Variants in AMMECR1 observed in about 807,000 individuals in gnomAD.
AMMECR1 encodes nuclear protein AMMECR1.
A neutral mutation model predicts 22.5 loss-of-function variants in AMMECR1; 3 were observed. The ratio of observed to expected loss-of-function variants is 0.13; its 90% CI spans 0.06 to 0.35. AMMECR1 has a LOEUF of 0.35. Among genes scored for constraint, AMMECR1 ranks in the 10% least tolerant of loss-of-function variants. AMMECR1 has a pLI of 1.00. For missense variants in AMMECR1, 235 were observed against 278.7 expected, an observed-to-expected ratio of 0.84 and a Z score of 1.12; for synonymous variants, 130 against 116.7, an observed-to-expected ratio of 1.11 and a Z score of -0.74.
intron 3 of AMMECR1, among the ~76,000 whole-genome samples, chrX:110,209,137 T>G (rs1423734712): frequency 9.0e-6 from 1 of 111,615 alleles, no homozygotes; most frequent in African/African-American, 3.3e-5. Context: ...CTAGCAAACA[T>G]GCCTAATATG....
At chrX:110,282,299 T>C (rs980209789) in intron 1 of AMMECR1, among the ~76,000 whole-genome samples, 1 of 109,781 alleles carries the variant, frequency 9.1e-6, no homozygotes, top group African/African-American at 3.3e-5. Flanking sequence ...TGGATAAAAG[T>C]GCTGGAATAG....
chrX:110,250,336 C>T (rs773852803), intron 2 of AMMECR1, among the ~76,000 whole-genome samples: 5 of 111,718 alleles, frequency 4.5e-5, no homozygotes, highest in Non-Finnish European at 9.4e-5. Context: ...GATCTAGCAC[C>T]AGGTCTATCT....
At chrX:110,340,160 T>C (rs1409867512) in intron 2 of AMMECR1, among the ~76,000 whole-genome samples, 2 of 110,836 alleles carry the variant, frequency 1.8e-5, no homozygotes, top group African/African-American at 6.6e-5. Flanking sequence ...ATGATGGTGG[T>C]GGTGATGATG....
chrX:110,270,079 G>A (rs1167465700), intron 1 of AMMECR1, among the ~76,000 whole-genome samples: 1 of 111,088 alleles, frequency 9.0e-6, no homozygotes, highest in Non-Finnish European at 1.9e-5. Context: ...GGGAGAGCAC[G>A]AGCTCTCCAA....
chrX:110,393,539 C>T (rs1313276428), intron 2 of AMMECR1, among the ~76,000 whole-genome samples: 1 of 111,672 alleles, frequency 9.0e-6, no homozygotes, highest in East Asian at 2.8e-4. Flanking sequence ...CTGTCCCTCA[C>T]TCCTAAGGCC....
chrX:110,424,015 G>A (rs973674231), intron 2 of AMMECR1, among the ~76,000 whole-genome samples: 8 of 112,025 alleles, frequency 7.1e-5, no homozygotes, highest in African/African-American at 2.6e-4. Context: ...TATGAGTGAG[G>A]TGTTGTGCTA....
chrX:110,268,734 A>C (rs993049911), intron 1 of AMMECR1, among the ~76,000 whole-genome samples: 3 of 111,853 alleles, frequency 2.7e-5, no homozygotes, highest in Non-Finnish European at 5.6e-5. Context: ...TCCAAAAAGG[A>C]CCTAATACAT....
intron 2 of AMMECR1, among the ~76,000 whole-genome samples, chrX:110,378,919 C>T (rs1174024036): frequency 3.6e-5 from 4 of 109,929 alleles, no homozygotes; most frequent in African/African-American, 6.6e-5. Flanking sequence ...GCTGGACACC[C>T]GTCCACCCCC....
rs753660200 is a variant in AMMECR1 at position 110,428,379 on chromosome X, G to C, written c.-293-1576C>G. 2.7e-5 allele frequency among the ~76,000 whole-genome samples: 3 copies of C among 112,099 alleles called. No homozygotes were observed. In the Admixed American group the frequency reaches 2.8e-4, roughly 11 times the overall value. On this transcript the variant is annotated intron_variant, in intron 1 of 7. Transcript: ENST00000372057. ...TGTAAGTAACTTGAGGTTAGGGACA[G>C]AGCCTTGTACATTCCTGTATCCCAG...
rs1489120950 is a variant in AMMECR1, at chrX:110,311,672, G to T, written c.473+5927C>A. 2.7e-5 allele frequency among the ~76,000 whole-genome samples: 3 copies of T among 112,044 alleles called. No individual in the cohort carries two copies. In the Admixed American group the frequency reaches 2.8e-4, roughly 11 times the overall value. On this transcript the variant is annotated intron_variant, in intron 1 of 5. Coordinates refer to ENST00000262844, the MANE Select transcript of AMMECR1 (RefSeq NM_015365.3). The stretch of plus-strand genomic sequence containing the variant: ...TATAGTTGGACTGAACATAAAACAT[G>T]CTCCACCCAACCAACTATACTATTA...
At chrX:110,293,230 T>C (rs1489307101) in intron 1 of AMMECR1, among the ~76,000 whole-genome samples, 1 of 111,262 alleles carries the variant, frequency 9.0e-6, no homozygotes, top group African/African-American at 3.3e-5. Flanking sequence ...GCGAAAGGAG[T>C]AGGAGGGAAA....
At chrX:110,299,312 T>C (rs1256461390) in intron 1 of AMMECR1, among the ~76,000 whole-genome samples, 1 of 112,024 alleles carries the variant, frequency 8.9e-6, no homozygotes, top group Non-Finnish European at 1.9e-5. Flanking sequence ...AATTCAGCTT[T>C]GACTCAGATC....
At chrX:110,252,482 T>C (rs1001501588) in intron 2 of AMMECR1, among the ~76,000 whole-genome samples, 4 of 111,344 alleles carry the variant, frequency 3.6e-5, no homozygotes, top group African/African-American at 1.3e-4. Context: ...AATAGTCTAT[T>C]TTTGCGAGTA....
At chrX:110,219,653 A>T (rs2067491074) in intron 2 of AMMECR1, 1 of 705,892 alleles carries the variant, frequency 1.4e-6, no homozygotes, top group South Asian at 7.4e-5. Context: ...AGGAGTTAGT[A>T]GGAAAATGCT....
intron 2 of AMMECR1, among the ~76,000 whole-genome samples, chrX:110,381,248 A>G (rs1336653203): frequency 8.9e-6 from 1 of 112,177 alleles, no homozygotes; most frequent in Non-Finnish European, 1.9e-5. Context: ...AAACAACCCC[A>G]TTGAAAAGAG....
intron 1 of AMMECR1, among the ~76,000 whole-genome samples, chrX:110,279,650 C>T (rs1234232757): frequency 9.0e-6 from 1 of 111,456 alleles, no homozygotes; most frequent in Non-Finnish European, 1.9e-5. Context: ...TCTATTAAAG[C>T]AGTACTTTAA....
chrX:110,409,993 A>C (rs920267538), intron 2 of AMMECR1, among the ~76,000 whole-genome samples: 6 of 112,032 alleles, frequency 5.4e-5, no homozygotes, highest in African/African-American at 1.9e-4. Flanking sequence ...TCAGAGTCTG[A>C]TTCAGTAAGT....
chrX:110,386,269 A>T (rs1471354654), intron 2 of AMMECR1, among the ~76,000 whole-genome samples: 2 of 110,098 alleles, frequency 1.8e-5, no homozygotes, highest in African/African-American at 6.6e-5. Context: ...GATGGTTTCA[A>T]TTTTTCCACA....
intron 2 of AMMECR1, among the ~76,000 whole-genome samples, chrX:110,361,679 C>T (rs976002692): frequency 3.6e-5 from 4 of 112,280 alleles, no homozygotes; most frequent in Non-Finnish European, 5.6e-5. Context: ...AGCGCCTTCT[C>T]GCCATTCTCT....
Sources: gnomAD v4.1 joint callset for allele counts (sites outside exome capture counted in the v4.1 genomes callset) on GRCh38, gnomAD v4.1.1 for gene constraint, MANE v1.5 for transcripts, NCBI Gene and HGNC (gene_info 2026-07-23, HGNC 2026-07-21) for gene names.